The following SH3GL2 variants were observed in gnomAD, a reference collection of about 807,000 sequenced individuals.
SH3GL2 encodes SH3 domain containing GRB2 like 2, endophilin A1.
A neutral mutation model predicts 46.0 loss-of-function variants in SH3GL2; 24 were observed. The ratio of observed to expected loss-of-function variants is 0.52; its 90% CI spans 0.38 to 0.73. The LOEUF is 0.73. Among genes scored for constraint, SH3GL2 ranks in the 30% least tolerant of loss-of-function variants. SH3GL2 has a pLI of 0.00. For synonymous variants in SH3GL2, 196 were observed against 147.1 expected, an observed-to-expected ratio of 1.33 and a Z score of -2.40; for missense variants, 413 against 424.2, an observed-to-expected ratio of 0.97 and a Z score of 0.23.
chr9:17,704,880 G>C (rs1821430946), intron 1 of SH3GL2, among the ~76,000 whole-genome samples: 1 of 152,062 alleles, frequency 6.6e-6, no homozygotes, highest in Non-Finnish European at 1.5e-5. Context: ...ACTTGGCAAA[G>C]ATTTCATGAC....
At chr9:17,759,628 C>T (rs992921996) in intron 2 of SH3GL2, among the ~76,000 whole-genome samples, 3 of 152,020 alleles carry the variant, frequency 2.0e-5, no homozygotes, top group African/African-American at 7.2e-5. Context: ...GTCCTTAGAA[C>T]AGTTTCTGAC....
chr9:17,693,534 G>A (rs939807318), intron 1 of SH3GL2, among the ~76,000 whole-genome samples: 3 of 151,982 alleles, frequency 2.0e-5, no homozygotes, highest in East Asian at 1.9e-4. Context: ...GCAGAAATGC[G>A]AATGGTGTAA....
intron 2 of SH3GL2, among the ~76,000 whole-genome samples, chr9:17,760,872 C>G (rs538193728): frequency 3.9e-5 from 6 of 152,194 alleles, no homozygotes; most frequent in African/African-American, 1.4e-4. Flanking sequence ...ACTGACCATT[C>G]CAAATTTAGA....
chr9:17,748,119 C>T (rs1219783967), intron 2 of SH3GL2, among the ~76,000 whole-genome samples: 1 of 152,176 alleles, frequency 6.6e-6, no homozygotes, highest in East Asian at 1.9e-4. Flanking sequence ...ATGAACAAAA[C>T]ATCTCATTTT....
At chr9:17,584,488 G>C (rs1298843805) in intron 1 of SH3GL2, among the ~76,000 whole-genome samples, 1 of 152,152 alleles carries the variant, frequency 6.6e-6, no homozygotes, top group Non-Finnish European at 1.5e-5. Context: ...GGGCAACAGA[G>C]TGAGATTCTG....
chr9:17,780,130 A>G (rs952032820), intron 3 of SH3GL2, among the ~76,000 whole-genome samples: 3 of 152,322 alleles, frequency 2.0e-5, no homozygotes, highest in African/African-American at 7.2e-5. Flanking sequence ...CACATATATC[A>G]TAAGTATATT....
In SH3GL2 at chr9:17,709,132, C is replaced by G. The variant is rs112848618; in HGVS notation, c.46-37934C>G. ...TGTTTAGGCCAGAGGTTCTGCTGAT[C>G]TATGATTCTCTAGATTCTGCAGGTT... On this transcript the variant is annotated intron_variant, in intron 1 of 8. Coordinates refer to ENST00000380607, the MANE Select transcript of SH3GL2 (RefSeq NM_003026.5). Among the ~76,000 whole-genome samples, 236 of 152,152 alleles carry G rather than the reference C, an allele frequency of 1.6e-3. 3 individuals carry two copies. The highest frequency in any genetic ancestry group is 4.8e-3 in the African/African-American group (200 of 41,530).
At chr9:17,698,545 G>GA (rs1821264813) in intron 1 of SH3GL2, among the ~76,000 whole-genome samples, 2 of 152,138 alleles carry the variant, frequency 1.3e-5, no homozygotes, top group Non-Finnish European at 2.9e-5. Flanking sequence ...GATAAACTAA[G>GA]AAAATTGGAT....
At position 17,754,137 on chromosome 9, in the gene SH3GL2, G is replaced by A. The variant is rs141432990; in HGVS notation, c.114+7003G>A. 7.9e-5 allele frequency among the ~76,000 whole-genome samples: 12 copies of A among 152,168 alleles called. No individual in the cohort carries two copies. In the East Asian group the frequency reaches 2.3e-3, roughly 29 times the overall value. The stretch of plus-strand genomic sequence containing the variant: ...TGATGACTCCAGCTTCGTTCTTTTT[G>A]CATAGGATTGCCTTGGCTATTCAGG... On this transcript the variant is annotated intron_variant, in intron 2 of 8. Transcript: ENST00000380607.
chr9:17,760,730 C>G (rs1475628499), intron 2 of SH3GL2, among the ~76,000 whole-genome samples: 1 of 152,042 alleles, frequency 6.6e-6, no homozygotes, highest in Non-Finnish European at 1.5e-5. Context: ...GAATAGGAGG[C>G]CCACAGATGC....
At chr9:17,670,344 G>A (rs1820442458) in intron 1 of SH3GL2, among the ~76,000 whole-genome samples, 1 of 152,136 alleles carries the variant, frequency 6.6e-6, no homozygotes, top group Non-Finnish European at 1.5e-5. Context: ...TTTGTTAGAA[G>A]GGAAGTTCTG....
In SH3GL2 at chr9:17,796,392, A is replaced by C. The variant is rs113201345; in HGVS notation, c.*649A>C. ...CTATTAAAGCCAGAGCGGTAATTCC[A>C]AATTATTTTTCAGTAAGACAGTTAA... On this transcript the variant is annotated 3_prime_UTR_variant, in exon 9 of 9. Transcript: ENST00000380607. The C allele has an allele frequency of 3.5e-4, 53 of 152,630 alleles. 1 individual carries two copies. Among genetic ancestry groups the C allele is most frequent in the African/African-American group, 1.1e-3 (44 of 41,588 alleles). The allele number at this position is 152,630 out of a possible 1,614,324, so 9.5% of individuals were successfully genotyped here. A position where few individuals can be genotyped will look rare whatever the true frequency, so the allele number is the denominator to read the frequency against.
chr9:17,595,450 G>C (rs1488342874), intron 1 of SH3GL2, among the ~76,000 whole-genome samples: 6 of 152,190 alleles, frequency 3.9e-5, no homozygotes, highest in African/African-American at 1.4e-4. Context: ...GTTAGCAAGA[G>C]TATAAGAACA....
At chr9:17,655,215 A>C (rs1820046631) in intron 1 of SH3GL2, among the ~76,000 whole-genome samples, 1 of 152,198 alleles carries the variant, frequency 6.6e-6, no homozygotes. Flanking sequence ...TGATCAAATA[A>C]ATACCTAGGT....
At chr9:17,710,390 C>A (rs1193135300) in intron 1 of SH3GL2, among the ~76,000 whole-genome samples, 1 of 151,898 alleles carries the variant, frequency 6.6e-6, no homozygotes, top group African/African-American at 2.4e-5. Flanking sequence ...CGGACTAATA[C>A]AGGGACCATT....
intron 1 of SH3GL2, among the ~76,000 whole-genome samples, chr9:17,727,848 T>G (rs994747654): frequency 3.3e-5 from 5 of 151,974 alleles, no homozygotes; most frequent in Admixed American, 3.3e-4. Flanking sequence ...CTCTTCTGGC[T>G]CCTTCCCTCT....
chr9:17,641,952 A>G (rs553163528), intron 1 of SH3GL2, among the ~76,000 whole-genome samples: 3 of 152,260 alleles, frequency 2.0e-5, no homozygotes, highest in Non-Finnish European at 4.4e-5. Context: ...TTGGGTATAT[A>G]CCCACTAATG....
chr9:17,585,195 G>T (rs1178029658), intron 1 of SH3GL2, among the ~76,000 whole-genome samples: 3 of 152,102 alleles, frequency 2.0e-5, no homozygotes, highest in Admixed American at 6.6e-5. Flanking sequence ...GTAGCTTGAG[G>T]CAGCGGCGAG....
intron 8 of SH3GL2, 32 bp from the exon 9 acceptor site, chr9:17,795,512 G>T: frequency 4.4e-6 from 7 of 1,582,166 alleles, no homozygotes; most frequent in Non-Finnish European, 5.2e-6. Context: ...ATCCTTTTGT[G>T]TTCTTCTCTT....
Sources: allele counts gnomAD v4.1 joint callset (sites outside exome capture counted in the v4.1 genomes callset), GRCh38; gene constraint gnomAD v4.1.1; transcripts MANE v1.5; gene names NCBI Gene and HGNC (gene_info 2026-07-23, HGNC 2026-07-21).